The following TMTC2 variants were observed in gnomAD, a reference collection of about 807,000 sequenced individuals.
TMTC2 encodes protein O-mannosyl-transferase TMTC2.
A neutral mutation model predicts 82.4 loss-of-function variants in TMTC2; 43 were observed. The observed-to-expected ratio is 0.52, with a 90% confidence interval of 0.41 to 0.67. The LOEUF (loss-of-function observed/expected upper bound fraction) is 0.67, where lower values mean the gene tolerates loss of function less well. TMTC2 is among the 30% of genes least tolerant of loss of function. TMTC2 has a pLI of 0.00. For missense variants in TMTC2, 919 were observed against 1,012.4 expected, an observed-to-expected ratio of 0.91 and a Z score of 1.25; for synonymous variants, 408 against 381.9, an observed-to-expected ratio of 1.07 and a Z score of -0.80.
intron 1 of TMTC2, among the ~76,000 whole-genome samples, chr12:82,732,270 C>T (rs1286248425): frequency 2.0e-5 from 3 of 152,056 alleles, no homozygotes; most frequent in African/African-American, 7.2e-5. Context: ...GAGTAAATGT[C>T]TCAGTGGGGC....
intron 4 of TMTC2, among the ~76,000 whole-genome samples, chr12:82,951,526 G>T (rs1877345638): frequency 6.6e-6 from 1 of 152,014 alleles, no homozygotes; most frequent in Non-Finnish European, 1.5e-5. Flanking sequence ...TCACCAGATT[G>T]CCTAGGCTAG....
intron 1 of TMTC2, among the ~76,000 whole-genome samples, chr12:82,777,381 T>C (rs1877655026): frequency 6.6e-6 from 1 of 152,178 alleles, no homozygotes; most frequent in South Asian, 2.1e-4. Context: ...TCTATTGGTA[T>C]AGCAAGGGAG....
At chr12:82,816,401 A>G (rs947690668) in intron 1 of TMTC2, among the ~76,000 whole-genome samples, 1 of 152,034 alleles carries the variant, frequency 6.6e-6, no homozygotes, top group Non-Finnish European at 1.5e-5. Flanking sequence ...CACCCTAGAA[A>G]TGGGCTCCGT....
At chr12:83,078,642 G>A (rs1883366578) in intron 11 of TMTC2, among the ~76,000 whole-genome samples, 1 of 152,134 alleles carries the variant, frequency 6.6e-6, no homozygotes, top group Non-Finnish European at 1.5e-5. Context: ...ATACCAAAAA[G>A]TAAAACTATA....
intron 10 of TMTC2, among the ~76,000 whole-genome samples, chr12:83,056,250 A>G (rs1223566712): frequency 2.0e-5 from 3 of 151,928 alleles, no homozygotes; most frequent in East Asian, 3.9e-4. Context: ...ATCATGATTT[A>G]GTCTCTGATG....
chr12:82,851,728 T>C (rs1031147243), intron 1 of TMTC2, among the ~76,000 whole-genome samples: 17 of 152,234 alleles, frequency 1.1e-4, no homozygotes, highest in Non-Finnish European at 2.4e-4. Flanking sequence ...CAACCTACTG[T>C]TATTTATTTA....
rs1396682228 is a variant in TMTC2 at position 82,977,756 on chromosome 12, TAA to T, written c.1949-8168_1949-8167del. ...CTATACATTTATTTTGAGGTTATAA[TAA>T]GAGTTGTGTTTTAAAAAGATAATTA... On this transcript the variant is annotated intron_variant, in intron 7 of 11. Transcript: ENST00000321196. Among the ~76,000 whole-genome samples the T allele has an allele frequency of 6.6e-5, 10 of 151,936 alleles. No homozygotes were observed. In the East Asian group the frequency reaches 1.2e-3, roughly 18 times the overall value.
chr12:82,744,187 C>T (rs890392723), intron 1 of TMTC2, among the ~76,000 whole-genome samples: 3 of 152,060 alleles, frequency 2.0e-5, no homozygotes, highest in Non-Finnish European at 2.9e-5. Flanking sequence ...TTTGGGAGGC[C>T]GAGGCGGGCG....
intron 1 of TMTC2, among the ~76,000 whole-genome samples, chr12:82,828,950 A>G (rs1480302245): frequency 6.6e-6 from 1 of 152,142 alleles, no homozygotes; most frequent in Non-Finnish European, 1.5e-5. Flanking sequence ...TACCCTTAAA[A>G]CGAAAATGGA....
intron 8 of TMTC2, among the ~76,000 whole-genome samples, chr12:83,023,800 AT>A (rs931490707): frequency 3.9e-5 from 6 of 152,280 alleles, no homozygotes; most frequent in African/African-American, 1.4e-4. Context: ...ACTTGATACA[AT>A]TTTTCAATGA....
chr12:82,713,673 G>T (rs1278836958), intron 1 of TMTC2, among the ~76,000 whole-genome samples: 6 of 152,152 alleles, frequency 3.9e-5, no homozygotes, highest in Non-Finnish European at 7.4e-5. Flanking sequence ...ACCTCCCACT[G>T]GGTCCCTCCC....
chr12:82,998,360 TA>T (rs971868123), intron 8 of TMTC2, among the ~76,000 whole-genome samples: 30 of 152,154 alleles, frequency 2.0e-4, no homozygotes, highest in African/African-American at 6.5e-4. Context: ...GCCATTTGTC[TA>T]GATGAATCCA....
chr12:83,016,683 T>C (rs1231146588), intron 8 of TMTC2, among the ~76,000 whole-genome samples: 1 of 152,196 alleles, frequency 6.6e-6, no homozygotes, highest in Non-Finnish European at 1.5e-5. Flanking sequence ...AAGTTAGTTG[T>C]TAAATAACAT....
intron 1 of TMTC2, among the ~76,000 whole-genome samples, chr12:82,689,401 G>A (rs1872481619): frequency 1.3e-5 from 2 of 152,178 alleles, no homozygotes; most frequent in Admixed American, 6.5e-5. Flanking sequence ...CTTGGGGGCA[G>A]TTTGAATAGT....
chr12:82,726,508 G>GT (rs1334356876), intron 1 of TMTC2, among the ~76,000 whole-genome samples: 1 of 152,152 alleles, frequency 6.6e-6, no homozygotes, highest in African/African-American at 2.4e-5. Context: ...GGAAGGTTAT[G>GT]TTATTTGCAT....
At chr12:83,069,051 T>C (rs1883017907) in intron 11 of TMTC2, among the ~76,000 whole-genome samples, 1 of 152,226 alleles carries the variant, frequency 6.6e-6, no homozygotes, top group Admixed American at 6.5e-5. Flanking sequence ...TTTGTTTTTA[T>C]GGCTGTGTAG....
intron 7 of TMTC2, among the ~76,000 whole-genome samples, chr12:82,982,572 TC>T (rs1878971479): frequency 6.6e-6 from 1 of 151,856 alleles, no homozygotes; most frequent in South Asian, 2.1e-4. Context: ...CATATTTCCC[TC>T]TTAAGAATTG....
At chr12:82,795,229 TGG>T (rs1375285877) in intron 1 of TMTC2, among the ~76,000 whole-genome samples, 1 of 145,532 alleles carries the variant, frequency 6.9e-6, no homozygotes, top group Non-Finnish European at 1.5e-5. Flanking sequence ...TGCTTGAACC[TGG>T]GAGGCAGGGG....
chr12:83,012,802 A>G (rs557627190), intron 8 of TMTC2, among the ~76,000 whole-genome samples: 1 of 152,268 alleles, frequency 6.6e-6, no homozygotes, highest in African/African-American at 2.4e-5. Context: ...GAGTATGTAC[A>G]GTATTCTTCT....
Sources: allele counts gnomAD v4.1 joint callset (sites outside exome capture counted in the v4.1 genomes callset), GRCh38; gene constraint gnomAD v4.1.1; transcripts MANE v1.5; gene names NCBI Gene and HGNC (gene_info 2026-07-23, HGNC 2026-07-21).